The following VPS13B variants were observed in gnomAD, a reference collection of about 807,000 sequenced individuals.
VPS13B encodes vacuolar protein sorting 13 homolog B, also known as intermembrane lipid transfer protein VPS13B.
Under a neutral mutation model 426.4 loss-of-function variants are expected in VPS13B, and 285 were observed. The observed-to-expected ratio is 0.67, with a 90% CI of 0.61 to 0.74. The LOEUF is 0.74. VPS13B is among the 30% of genes least tolerant of loss of function. The probability of loss-of-function intolerance (pLI) is 0.00; values close to 1 mark genes in which losing one functional copy is unlikely to be tolerated. For missense variants in VPS13B, 4,537 were observed against 4,782.6 expected, an observed-to-expected ratio of 0.95 and a Z score of 1.51; for synonymous variants, 1,676 against 1,676.4, an observed-to-expected ratio of 1.00 and a Z score of 0.01.
intron 17 of VPS13B, among the ~76,000 whole-genome samples, chr8:99,195,122 G>A (rs186713173): frequency 2.0e-5 from 3 of 152,284 alleles, no homozygotes; most frequent in Non-Finnish European, 4.4e-5. Flanking sequence ...TGGGATTATA[G>A]GCGTGAAGGT....
rs141146230 is a variant in VPS13B at position 99,449,682 on chromosome 8, G to A, written c.3445+7047G>A. ...AGGCACTAGTCTTATGGCTTAAGAC[G>A]TAAGATTGGATCATGTATAAATGAT... On this transcript the variant is annotated intron_variant, in intron 23 of 61. Coordinates refer to ENST00000357162, the MANE Select transcript of VPS13B (RefSeq NM_152564.5). Among the ~76,000 whole-genome samples, 53 of 152,284 alleles carry A rather than the reference G, an allele frequency of 3.5e-4. No homozygotes were observed. The East Asian group carries it at 9.1e-3, about 26-fold the overall frequency.
intron 12 of VPS13B, among the ~76,000 whole-genome samples, chr8:99,139,832 A>G (rs1315458670): frequency 2.6e-5 from 4 of 152,000 alleles, no homozygotes; most frequent in Non-Finnish European, 1.5e-5. Flanking sequence ...GAGTTCCTAT[A>G]AGAGGATACT....
chr8:99,857,407 C>T (rs187194784), intron 56 of VPS13B, among the ~76,000 whole-genome samples: 8 of 152,288 alleles, frequency 5.3e-5, no homozygotes, highest in South Asian at 2.1e-4. Context: ...AACCTTCTGC[C>T]GTTAGGTACA....
chr8:99,111,302 G>A (rs1847352606), intron 6 of VPS13B, 23 bp downstream of exon 6: 2 of 1,580,640 alleles, frequency 1.3e-6, no homozygotes, highest in Non-Finnish European at 1.7e-6. Context: ...TTTTTTTGCA[G>A]TTAAGTTGCA....
intron 51 of VPS13B, among the ~76,000 whole-genome samples, chr8:99,825,325 A>C (rs1371103923): frequency 6.6e-6 from 1 of 152,132 alleles, no homozygotes; most frequent in Non-Finnish European, 1.5e-5. Context: ...TCTAATGACC[A>C]GTGATGATGA....
At chr8:99,559,530 A>C (rs928179652) in intron 31 of VPS13B, among the ~76,000 whole-genome samples, 2 of 152,086 alleles carry the variant, frequency 1.3e-5, no homozygotes, top group Non-Finnish European at 2.9e-5. Flanking sequence ...TAGGGTTTTT[A>C]TGGTTTTAGG....
intron 13 of VPS13B, among the ~76,000 whole-genome samples, chr8:99,144,333 G>T (rs916391104): frequency 4.7e-5 from 7 of 150,262 alleles, no homozygotes; most frequent in African/African-American, 1.7e-4. Context: ...CTCTACAAAA[G>T]ATTAAAAAAA....
chr8:99,653,013 C>T (rs1375720666), intron 34 of VPS13B, among the ~76,000 whole-genome samples: 1 of 152,110 alleles, frequency 6.6e-6, no homozygotes, highest in African/African-American at 2.4e-5. Context: ...GGTATTAGAA[C>T]AGAAATCAGA....
intron 19 of VPS13B, among the ~76,000 whole-genome samples, chr8:99,276,329 C>G (rs1249162447): frequency 6.6e-6 from 1 of 152,006 alleles, no homozygotes; most frequent in Non-Finnish European, 1.5e-5. Context: ...CAGCACACCT[C>G]AAAAATAAGA....
At chr8:99,268,272 G>T (rs112743145) in intron 17 of VPS13B, among the ~76,000 whole-genome samples, 2,509 of 152,284 alleles carry the variant, frequency 0.016, 52 homozygotes, top group Non-Finnish European at 0.021. Flanking sequence ...CCCTACTGGG[G>T]CACTGCCTAC....
chr8:99,805,275 A>G (rs1350547062), intron 43 of VPS13B, among the ~76,000 whole-genome samples: 1 of 151,856 alleles, frequency 6.6e-6, no homozygotes, highest in Non-Finnish European at 1.5e-5. Flanking sequence ...GTGTGAAGAT[A>G]AAATTTTAAT....
chr8:99,776,880 C>A lies in VPS13B; in HGVS notation c.7353C>A (p.Val2451=), dbSNP rs1232917163. The part of the protein sequence containing the change: ...RVDSCFTPWF[V]PSLCVSFQFA... ...ACTCCTGCTTTACCCCATGGTTTGT[C>A]CCATCCCTTTGCGTTTCTTTCCAGT... is the stretch of plus-strand genomic sequence containing the variant. The change falls in exon 41 of 62, where the codon GTC becomes GTA. Residue 2451 remains valine (V), a synonymous_variant. Coordinates refer to ENST00000357162, the MANE Select transcript of VPS13B (RefSeq NM_152564.5). 6.2e-7 allele frequency: 1 copy of A among 1,613,936 alleles called. No homozygotes were observed. Among genetic ancestry groups the A allele is most frequent in the Admixed American group, 1.7e-5 (1 of 59,970 alleles).
intron 19 of VPS13B, among the ~76,000 whole-genome samples, chr8:99,371,227 A>G (rs1813162644): frequency 1.3e-5 from 2 of 152,214 alleles, no homozygotes; most frequent in Admixed American, 1.3e-4. Context: ...GGACCTTTAG[A>G]TGGTTCTATG....
intron 3 of VPS13B, among the ~76,000 whole-genome samples, chr8:99,079,948 C>A (rs1845353745): frequency 6.7e-6 from 1 of 149,922 alleles, no homozygotes; most frequent in Non-Finnish European, 1.5e-5. Flanking sequence ...AAGTAGTTTT[C>A]ATTTTAAAAA....
chr8:99,128,110 G>A (rs940266462), intron 8 of VPS13B, among the ~76,000 whole-genome samples: 62 of 151,940 alleles, frequency 4.1e-4, no homozygotes, highest in African/African-American at 1.5e-3. Flanking sequence ...GGTTTGTTGG[G>A]CTGGGCATGA....
At chr8:99,284,610 A>G (rs936947252) in intron 19 of VPS13B, among the ~76,000 whole-genome samples, 7 of 151,982 alleles carry the variant, frequency 4.6e-5, no homozygotes, top group Admixed American at 1.3e-4. Flanking sequence ...TCATCCAGGA[A>G]GGAGTGCAGT....
At chr8:99,754,645 T>G (rs1305486691) in intron 39 of VPS13B, among the ~76,000 whole-genome samples, 1 of 152,182 alleles carries the variant, frequency 6.6e-6, no homozygotes, top group Admixed American at 6.5e-5. Context: ...CTTACTCTCC[T>G]CCAGCCATCA....
Position 99,348,850 on chromosome 8 carries a change from C to A in VPS13B, c.2825-35358C>A, listed in dbSNP as rs1811697340. Among the ~76,000 whole-genome samples the A allele has an allele frequency of 2.0e-5, 3 of 151,714 alleles. No homozygotes were observed. In the South Asian group the frequency reaches 6.2e-4, roughly 32 times the overall value. ...TAAAATAATTTATTTTTTTTAAACGCACATGAAATTGAATTGGAGGAGTTT... is the reference window on the plus strand; with the variant it reads ...TAAAATAATTTATTTTTTTTAAACGAACATGAAATTGAATTGGAGGAGTTT... On this transcript the variant is annotated intron_variant, in intron 19 of 61. Transcript: ENST00000357162.
intron 29 of VPS13B, among the ~76,000 whole-genome samples, chr8:99,518,741 TA>T (rs1241992777): frequency 3.3e-5 from 5 of 152,162 alleles, no homozygotes; most frequent in African/African-American, 1.2e-4. Flanking sequence ...TATGTGAAAA[TA>T]TACTGAAATA....
Sources: gnomAD v4.1 joint callset for allele counts (sites outside exome capture counted in the v4.1 genomes callset) on GRCh38, gnomAD v4.1.1 for gene constraint, MANE v1.5 for transcripts, NCBI Gene and HGNC (gene_info 2026-07-23, HGNC 2026-07-21) for gene names.